COL14A1: variants seen among roughly 807,000 people sequenced by gnomAD.
COL14A1 encodes collagen type XIV alpha 1 chain.
A neutral mutation model predicts 230.3 loss-of-function variants in COL14A1; 136 were observed. The ratio of observed to expected loss-of-function variants is 0.59; its 90% confidence interval spans 0.51 to 0.68. The LOEUF (loss-of-function observed/expected upper bound fraction) is 0.68, where lower values mean the gene tolerates loss of function less well. Among genes scored for constraint, COL14A1 ranks in the 30% least tolerant of loss-of-function variants. The pLI, the probability that COL14A1 is intolerant of heterozygous loss-of-function variation, is 0.00. For synonymous variants in COL14A1, 792 were observed against 784.1 expected (o/e 1.01, Z -0.17); for missense variants, 1,976 against 2,215.8 (o/e 0.89, Z 2.17).
At chr8:120,237,161 G>T (rs1050841060) in intron 19 of COL14A1, among the ~76,000 whole-genome samples, 3 of 152,180 alleles carry the variant, frequency 2.0e-5, no homozygotes, top group African/African-American at 7.2e-5. Flanking sequence ...GGCCTGTCTT[G>T]CTAGGTTGGG....
intron 19 of COL14A1, among the ~76,000 whole-genome samples, chr8:120,243,253 C>G (rs1366442301): frequency 6.6e-6 from 1 of 152,158 alleles, no homozygotes; most frequent in African/African-American, 2.4e-5. Flanking sequence ...GTGGGGACAG[C>G]CTTTTAGACA....
In COL14A1 at chr8:120,269,899, G is replaced by C. The variant is rs953250822; in HGVS notation, c.3074-136G>C. 1.1e-4 allele frequency: 90 copies of C among 830,532 alleles called. 1 individual carries two copies. The highest frequency in any genetic ancestry group is 8.3e-4 in the South Asian group (41 of 49,612). 51.4% of individuals were successfully genotyped at this position (830,532 alleles called of 1,614,324 possible). On this transcript the variant is annotated intron_variant, in intron 25 of 47. Transcript: ENST00000297848. ...CATAGTGAGCAGGAGTTTGGAATAT[G>C]AACATTAAGAAGTTTATATCTTTCC...
chr8:120,231,863 C>G, intron 19 of COL14A1: 2 of 407,628 alleles, frequency 4.9e-6, no homozygotes, highest in Non-Finnish European at 4.4e-6. Flanking sequence ...TCAAATATTG[C>G]TTCTCTTCTG....
intron 1 of COL14A1, among the ~76,000 whole-genome samples, chr8:120,143,097 G>A (rs186598952): frequency 1.3e-5 from 2 of 152,252 alleles, no homozygotes; most frequent in Admixed American, 1.3e-4. Context: ...GATTGTAGGA[G>A]TTATAGAACC....
chr8:120,315,285 G>T (rs1821179606), intron 38 of COL14A1, among the ~76,000 whole-genome samples: 1 of 149,220 alleles, frequency 6.7e-6, no homozygotes, highest in Non-Finnish European at 1.5e-5. Flanking sequence ...CAGGAGAATA[G>T]CTTGGACCCA....
At chr8:120,212,133 A>G (rs1028776045) in intron 12 of COL14A1, among the ~76,000 whole-genome samples, 17 of 152,248 alleles carry the variant, frequency 1.1e-4, no homozygotes, top group African/African-American at 3.6e-4. Context: ...TTCTGATTCA[A>G]TCCCACCCAC....
At chr8:120,266,725 T>C (rs1487885320) in intron 24 of COL14A1, 102 bp from the exon 25 acceptor site, 21 of 951,310 alleles carry the variant, frequency 2.2e-5, no homozygotes, top group Non-Finnish European at 3.4e-5. Context: ...AAGACAGTTG[T>C]CAAAATCATT....
At chr8:120,269,030 T>A (rs1819580883) in intron 25 of COL14A1, among the ~76,000 whole-genome samples, 1 of 151,714 alleles carries the variant, frequency 6.6e-6, no homozygotes, top group East Asian at 1.9e-4. Context: ...CACTTGGAGA[T>A]GGTTTATTTT....
At chr8:120,140,630 A>G (rs1586710288) in intron 1 of COL14A1, among the ~76,000 whole-genome samples, 1 of 152,216 alleles carries the variant, frequency 6.6e-6, no homozygotes, top group Non-Finnish European at 1.5e-5. Context: ...ATATATGTGT[A>G]TAAATCTCGG....
chr8:120,226,870 T>C, intron 16 of COL14A1, 104 bp downstream of exon 16: 1 of 1,043,124 alleles, frequency 9.6e-7, no homozygotes, highest in East Asian at 2.5e-5. Context: ...ATCCCAGAAG[T>C]AATTAGTATT....
chr8:120,237,939 A>T (rs1461741479), intron 19 of COL14A1, among the ~76,000 whole-genome samples: 1 of 152,164 alleles, frequency 6.6e-6, no homozygotes, highest in Non-Finnish European at 1.5e-5. Context: ...TATCATCAGC[A>T]GAGGCTGCAG....
intron 19 of COL14A1, 138 bp downstream of exon 19, chr8:120,231,756 T>G: frequency 1.1e-6 from 1 of 902,386 alleles, no homozygotes; most frequent in Non-Finnish European, 1.6e-6. Context: ...TGTTCTCTGT[T>G]AATCTGACTC....
At chr8:120,260,739 A>T (rs1356990214) in intron 23 of COL14A1, among the ~76,000 whole-genome samples, 2 of 152,152 alleles carry the variant, frequency 1.3e-5, no homozygotes, top group Non-Finnish European at 2.9e-5. Flanking sequence ...TACGAGGAAA[A>T]CACTTGAAAC....
At chr8:120,221,599 CCTT>C (rs1260244648) in intron 14 of COL14A1, among the ~76,000 whole-genome samples, 20 of 151,336 alleles carry the variant, frequency 1.3e-4, no homozygotes, top group African/African-American at 4.4e-4. Context: ...TCCTTTTAGT[CCTT>C]CTTCCTCTTT....
intron 45 of COL14A1, among the ~76,000 whole-genome samples, chr8:120,356,680 A>G (rs527985166): frequency 1.3e-5 from 2 of 152,062 alleles, no homozygotes; most frequent in Non-Finnish European, 2.9e-5. Context: ...TACTCCAGCC[A>G]GGAGTACAGA....
intron 44 of COL14A1, among the ~76,000 whole-genome samples, 169 bp from the exon 45 acceptor site, chr8:120,345,206 A>G (rs567013655): frequency 6.6e-6 from 1 of 152,284 alleles, no homozygotes; most frequent in African/African-American, 2.4e-5. Context: ...ATCCAGAGTA[A>G]AACGTAAAAA....
At chr8:120,258,460 T>C (rs983708835) in intron 23 of COL14A1, among the ~76,000 whole-genome samples, 1 of 152,128 alleles carries the variant, frequency 6.6e-6, no homozygotes, top group African/African-American at 2.4e-5. Flanking sequence ...CCTGGTTGCC[T>C]TCCACCCCTG....
At chr8:120,126,683 T>C (rs1814351151) in intron 1 of COL14A1, among the ~76,000 whole-genome samples, 1 of 152,182 alleles carries the variant, frequency 6.6e-6, no homozygotes, top group Admixed American at 6.5e-5. Context: ...AGAGGCTCTC[T>C]TGAAACCCAG....
chr8:120,311,173 G>C (rs565654387), intron 37 of COL14A1, among the ~76,000 whole-genome samples: 2 of 152,024 alleles, frequency 1.3e-5, no homozygotes, highest in East Asian at 1.9e-4. Flanking sequence ...TGTTTATTTT[G>C]TTTGGTGGGA....
Sources: gnomAD v4.1 joint callset for allele counts (sites outside exome capture counted in the v4.1 genomes callset) on GRCh38, gnomAD v4.1.1 for gene constraint, MANE v1.5 for transcripts, NCBI Gene and HGNC (gene_info 2026-07-23, HGNC 2026-07-21) for gene names.